The following SCAMP5 variants were observed in gnomAD, a reference collection of about 807,000 sequenced individuals.
SCAMP5 encodes secretory carrier-associated membrane protein 5.
A neutral mutation model predicts 28.3 loss-of-function variants in SCAMP5; 7 were observed. The observed-to-expected ratio is 0.25, with a 90% confidence interval of 0.14 to 0.46. The LOEUF (loss-of-function observed/expected upper bound fraction) is 0.46, where lower values mean the gene tolerates loss of function less well. SCAMP5 is among the 20% of genes least tolerant of loss of function. SCAMP5 has a pLI of 0.99. For missense variants in SCAMP5, 192 were observed against 312.5 expected, an observed-to-expected ratio of 0.61 and a Z score of 2.91; for synonymous variants, 117 against 116.4, an observed-to-expected ratio of 1.00 and a Z score of -0.03.
intron 1 of SCAMP5, among the ~76,000 whole-genome samples, chr15:75,005,982 T>TTG (rs1491510316): frequency 3.4e-5 from 2 of 58,712 alleles, no homozygotes; most frequent in East Asian, 1.6e-3. Flanking sequence ...TCGGCCTCCC[T>TTG]TTTTTTTTTT....
rs777666955 is a variant in SCAMP5 at position 75,016,747 on chromosome 15, C to T, written c.291C>T (p.Phe97=). The change falls in exon 4 of 7, where the codon TTC becomes TTT. Residue 97 remains phenylalanine (F), a splice_region_variant and synonymous_variant. Coordinates refer to ENST00000425597, the MANE Select transcript of SCAMP5 (RefSeq NM_138967.4). ...VCWFRPIYKA[F]KTDSSFSFMA... is the part of the protein sequence containing the mutation. ...GGTTTCGGCCCATTTACAAGGCCTT[C>T]AAGTAAGTGGTTGGTGCTATCCGCA... 1 of 1,613,238 alleles carries T rather than the reference C, an allele frequency of 6.2e-7. No individual in the cohort carries two copies. Among genetic ancestry groups the T allele is most frequent in the East Asian group, 2.2e-5 (1 of 44,864 alleles).
chr15:75,001,843 C>A (rs2065711449), intron 1 of SCAMP5, among the ~76,000 whole-genome samples: 1 of 132,144 alleles, frequency 7.6e-6, no homozygotes. Context: ...GCACTCCAGC[C>A]TGGGCAACAG....
chr15:75,011,885 G>A (rs1451158769), intron 2 of SCAMP5, 39 bp downstream of exon 2: 7 of 1,591,412 alleles, frequency 4.4e-6, no homozygotes, highest in Non-Finnish European at 6.0e-6. Context: ...GGACATGACA[G>A]TGAGCATAGC....
rs3751648 is a variant in SCAMP5 at position 75,015,456 on chromosome 15, G to C, written c.137-1137G>C. Among the ~76,000 whole-genome samples the C allele has an allele frequency of 1.4e-4, 22 of 152,080 alleles. 1 individual carries two copies. The highest frequency in any genetic ancestry group is 4.1e-4 in the African/African-American group (17 of 41,428). Reference sequence around the variant, plus strand: ...AGCTAGATGAGGTGGGGACAGAGGGGGGGGGGCCTGGGTCCTGTTCTTGGG... The same window carrying C: ...AGCTAGATGAGGTGGGGACAGAGGGCGGGGGGCCTGGGTCCTGTTCTTGGG... On this transcript the variant is annotated intron_variant, in intron 3 of 6. Coordinates refer to ENST00000425597, the MANE Select transcript of SCAMP5 (RefSeq NM_138967.4).
chr15:75,003,665 C>T (rs111521844), intron 1 of SCAMP5, among the ~76,000 whole-genome samples: 1 of 152,014 alleles, frequency 6.6e-6, no homozygotes, highest in African/African-American at 2.4e-5. Flanking sequence ...AAAAAATTAG[C>T]TGGGCATGGT....
At chr15:75,015,108 T>C (rs538963704) in intron 3 of SCAMP5, among the ~76,000 whole-genome samples, 1 of 152,224 alleles carries the variant, frequency 6.6e-6, no homozygotes, top group African/African-American at 2.4e-5. Context: ...GGGCTATAAA[T>C]ATCTCCTTAA....
chr15:75,006,908 C>T (rs112857709), intron 1 of SCAMP5, among the ~76,000 whole-genome samples: 3,453 of 152,182 alleles, frequency 0.023, 121 homozygotes, highest in African/African-American at 0.079. Context: ...TGCTGCTGCA[C>T]TCCAGCCTGG....
intron 1 of SCAMP5, among the ~76,000 whole-genome samples, chr15:75,000,215 G>C (rs910296001): frequency 6.6e-6 from 1 of 152,090 alleles, no homozygotes; most frequent in Non-Finnish European, 1.5e-5. Flanking sequence ...TTAGTTTAGA[G>C]ATGAGGTCTC....
At chr15:75,014,483 C>T (rs1294115072) in intron 3 of SCAMP5, among the ~76,000 whole-genome samples, 1 of 152,180 alleles carries the variant, frequency 6.6e-6, no homozygotes, top group African/African-American at 2.4e-5. Flanking sequence ...AGAAACCCGG[C>T]CCCTAAGATT....
chr15:75,012,948 C>G, intron 3 of SCAMP5, 143 bp downstream of exon 3: 1 of 764,908 alleles, frequency 1.3e-6, no homozygotes, highest in Middle Eastern at 3.6e-4. Flanking sequence ...TAAGTCTTCC[C>G]CTGCCAGGCT....
chr15:75,017,529 A>G (rs2065869584), intron 4 of SCAMP5: 1 of 500,432 alleles, frequency 2.0e-6, no homozygotes, highest in Non-Finnish European at 3.5e-6. Context: ...CAGTGGAGCT[A>G]GCTGTCTTGG....
intron 2 of SCAMP5, 61 bp from the exon 3 acceptor site, chr15:75,012,616 G>C (rs2065821930): frequency 1.2e-6 from 2 of 1,602,272 alleles, no homozygotes; most frequent in African/African-American, 2.7e-5. Context: ...GGAAGGATGG[G>C]CGTCTTGGAT....
chr15:75,012,582 G>A (rs2065821206), intron 2 of SCAMP5, 95 bp from the exon 3 acceptor site: 1 of 1,462,840 alleles, frequency 6.8e-7, no homozygotes, highest in African/African-American at 1.4e-5. Context: ...TGGCCACAGG[G>A]GCCAATGGGG....
rs200119291 is a variant in SCAMP5, at chr15:75,018,019, G to C, written c.395+48G>C. On this transcript the variant is annotated intron_variant, in intron 5 of 6. Transcript: ENST00000425597. This position sits in a 1 kb window ranked among gnomAD's most constrained non-coding sequence, Gnocchi z 5.6. ...GGGGCTGGCAGGGGTGGCGTTGTGGGTGTATCTTTTGCTTACCTTTGTGTG... is the reference window on the plus strand; with the variant it reads ...GGGGCTGGCAGGGGTGGCGTTGTGGCTGTATCTTTTGCTTACCTTTGTGTG... 409 of 1,227,574 alleles carry C rather than the reference G, an allele frequency of 3.3e-4. 5 individuals are homozygous for C. The highest frequency in any genetic ancestry group is 3.3e-3 in the South Asian group (267 of 81,796). The allele number at this position is 1,227,574 out of a possible 1,614,324, so 76.0% of individuals were successfully genotyped here. A position where few individuals can be genotyped will look rare whatever the true frequency, so the allele number is the denominator to read the frequency against.
At chr15:75,005,116 AG>A (rs1452457699) in intron 1 of SCAMP5, among the ~76,000 whole-genome samples, 2 of 150,408 alleles carry the variant, frequency 1.3e-5, no homozygotes, top group Non-Finnish European at 3.0e-5. Flanking sequence ...CAGAGCTTGC[AG>A]TGAGCCGAGA....
intron 1 of SCAMP5, among the ~76,000 whole-genome samples, chr15:75,000,391 A>AC (rs1555410307): frequency 1.4e-5 from 2 of 148,036 alleles, no homozygotes; most frequent in African/African-American, 2.5e-5. Flanking sequence ...CTTTAAGGCC[A>AC]TTTTTTTTTT....
In SCAMP5 at chr15:75,016,635, C is replaced by T. The variant is rs771308149; in HGVS notation, c.179C>T (p.Ala60Val). ...TLAVNLVGCL[A>V]WLIGGGGATN... ...GCCGTGAACCTGGTGGGCTGTCTCG[C>T]GTGGCTGATCGGAGGCGGGGGAGCC... Residue 60 changes from alanine to valine, a missense_variant, in exon 4 of 7, where the codon GCG becomes GTG. Coordinates refer to ENST00000425597, the MANE Select transcript of SCAMP5 (RefSeq NM_138967.4). 5 of 1,613,620 alleles carry T rather than the reference C, an allele frequency of 3.1e-6. No homozygotes were observed. The highest frequency in any genetic ancestry group is 2.2e-5 in the East Asian group (1 of 44,878).
Position 75,011,775 on chromosome 15 carries a change from CT to C in SCAMP5, c.-48-13del. The C allele has an allele frequency of 6.6e-7, 1 of 1,505,222 alleles. No individual in the cohort carries two copies. The highest frequency in any genetic ancestry group is 9.2e-7 in the Non-Finnish European group (1 of 1,083,972). 93.2% of individuals were successfully genotyped at this position (1,505,222 alleles called of 1,614,324 possible). On this transcript the variant is annotated splice_polypyrimidine_tract_variant and intron_variant, in intron 1 of 6. Coordinates refer to ENST00000425597, the MANE Select transcript of SCAMP5 (RefSeq NM_138967.4). ...TGGCCCTGATCTCATCCTTCTCTGG[CT>C]TTTCTTTCCTTGCAGTTCAGGACAA...
chr15:75,006,761 C>T (rs551550979), intron 1 of SCAMP5, among the ~76,000 whole-genome samples: 3 of 141,636 alleles, frequency 2.1e-5, no homozygotes, highest in East Asian at 4.2e-4. Context: ...GGTGACAGAG[C>T]GAGACTCCAT....
Sources: gnomAD v4.1 joint callset for allele counts (sites outside exome capture counted in the v4.1 genomes callset) on GRCh38, gnomAD v4.1.1 for gene constraint, Gnocchi (gnomAD v3.1) non-coding constraint, MANE v1.5 for transcripts, NCBI Gene and HGNC (gene_info 2026-07-23, HGNC 2026-07-21) for gene names.